DNAH8: variants seen among roughly 807,000 people sequenced by gnomAD.
DNAH8 encodes the protein dynein axonemal heavy chain 8, also known as axonemal beta dynein heavy chain 8.
A neutral mutation model predicts 562.1 loss-of-function variants in DNAH8; 382 were observed. That is an observed-to-expected ratio of 0.68 (90% CI 0.63 to 0.74). DNAH8 has a LOEUF of 0.74. DNAH8 is among the 30% of genes least tolerant of loss of function. DNAH8 has a pLI of 0.00. For synonymous variants in DNAH8, 1,881 were observed against 1,919.4 expected, an observed-to-expected ratio of 0.98 and a Z score of 0.52; for missense variants, 5,203 against 5,620.4, an observed-to-expected ratio of 0.93 and a Z score of 2.37.
chr6:38,841,534 A>G (rs1774789427), intron 33 of DNAH8, among the ~76,000 whole-genome samples: 1 of 152,240 alleles, frequency 6.6e-6, no homozygotes, highest in Non-Finnish European at 1.5e-5. Flanking sequence ...GTCAATCCTT[A>G]TAAATAAACT....
In DNAH8 at chr6:38,857,561, A is replaced by G; in HGVS notation, c.5777A>G (p.Glu1926Gly). Reference sequence around the variant, plus strand: ...CAGATGTTGTGGACACACGATTCAGAAGAGGCTTTACGTAATGCAAAAGAT... The same window carrying G: ...CAGATGTTGTGGACACACGATTCAGGAGAGGCTTTACGTAATGCAAAAGAT... ...GIQMLWTHDSEEALRNAKDDR... is the reference protein window; with the variant it reads ...GIQMLWTHDSGEALRNAKDDR... Residue 1926 changes from glutamate to glycine, a missense_variant, in exon 42 of 93, where the codon GAA (glutamate) becomes GGA (glycine). Coordinates refer to ENST00000327475, the MANE Select transcript of DNAH8 (RefSeq NM_001206927.2). 4.3e-6 allele frequency: 7 copies of G among 1,613,898 alleles called. No homozygotes were observed. Among genetic ancestry groups the G allele is most frequent in the Non-Finnish European group, 5.9e-6 (7 of 1,179,862 alleles).
At chr6:38,805,717 A>G (rs186288498) in intron 23 of DNAH8, 121 bp downstream of exon 23, 365 of 574,186 alleles carry the variant, frequency 6.4e-4, no homozygotes, top group Admixed American at 1.5e-3. Flanking sequence ...AACAAAATAC[A>G]GAAAGTATAA....
intron 66 of DNAH8, among the ~76,000 whole-genome samples, chr6:38,912,539 G>C (rs1780982037): frequency 6.6e-6 from 1 of 152,160 alleles, no homozygotes; most frequent in South Asian, 2.1e-4. Flanking sequence ...ATAGTTATGA[G>C]AGAAGACTGT....
rs1173612779 is a variant in DNAH8, at chr6:38,826,171, C to A, written c.3863C>A (p.Ala1288Asp). 1 of 1,603,788 alleles carries A rather than the reference C, an allele frequency of 6.2e-7. No individual in the cohort carries two copies. The highest frequency in any genetic ancestry group is 1.1e-5 in the South Asian group (1 of 88,304). Residue 1288 changes from alanine (A) to aspartate (D), a missense_variant, in exon 29 of 93, where the codon GCC becomes GAC. By Grantham distance (126) the Ala-to-Asp change is moderately radical (BLOSUM62 -2). Coordinates refer to ENST00000327475, the MANE Select transcript of DNAH8 (RefSeq NM_001206927.2). The stretch of plus-strand genomic sequence containing the variant: ...TCTTCATCAGAGCCGATGAAATTGG[C>A]CTTATCCATCGAGGCCAAGGCATGG... ...LELHTEPMKL[A>D]LSIEAKAWKM...
rs1323111041 is a variant in DNAH8, at chr6:38,917,256, T to C, written c.10158T>C (p.Asp3386=). The C allele has an allele frequency of 6.2e-7, 1 of 1,611,864 alleles. No homozygotes were observed. The highest frequency in any genetic ancestry group is 1.7e-5 in the Admixed American group (1 of 59,890). Reference sequence around the variant, plus strand: ...AAATATAGACTATCAAGCCAAATGATATTGCCACAGTCAGGAAACTTGCAA... The same window carrying C: ...AAATATAGACTATCAAGCCAAATGACATTGCCACAGTCAGGAAACTTGCAA... ...EAALNTIKPN[D]IATVRKLAKP... Residue 3386 remains aspartate, a synonymous_variant, in exon 69 of 93, where the codon GAT becomes GAC. Transcript: ENST00000327475.
At chr6:38,790,015 GTT>G (rs10709081) in intron 19 of DNAH8, 132 bp downstream of exon 19, 142 of 550,240 alleles carry the variant, frequency 2.6e-4, no homozygotes, top group South Asian at 5.0e-4. Flanking sequence ...TTATAGCTCT[GTT>G]TTTTTTTTTT....
At position 38,872,522 on chromosome 6, in the gene DNAH8, GGTTAATT is replaced by G; in HGVS notation, c.6991-11_6991-5del. 9.3e-6 allele frequency: 15 copies of G among 1,609,264 alleles called. No homozygotes were observed. Among genetic ancestry groups the G allele is most frequent in the Non-Finnish European group, 1.3e-5 (15 of 1,176,614 alleles). On this transcript the variant is annotated splice_region_variant and splice_polypyrimidine_tract_variant and intron_variant, in intron 49 of 92. Coordinates refer to ENST00000327475, the MANE Select transcript of DNAH8 (RefSeq NM_001206927.2). ...CATAAATTACATATTTTAATTTACT[GGTTAATT>G]GTGTAGTTATATGAGACGTCTTTGG...
chr6:38,796,140 T>C (rs1770232138), intron 21 of DNAH8, among the ~76,000 whole-genome samples: 1 of 152,196 alleles, frequency 6.6e-6, no homozygotes, highest in African/African-American at 2.4e-5. Flanking sequence ...CTCCTGTTCC[T>C]GACACTACTG....
intron 82 of DNAH8, among the ~76,000 whole-genome samples, chr6:38,968,340 C>T (rs1356640077): frequency 6.6e-6 from 1 of 152,070 alleles, no homozygotes; most frequent in Admixed American, 6.6e-5. Context: ...AGGGCACCAT[C>T]AGAGGACAAC....
At chr6:38,997,007 C>T (rs576209959) in intron 88 of DNAH8, among the ~76,000 whole-genome samples, 1 of 152,246 alleles carries the variant, frequency 6.6e-6, no homozygotes, top group African/African-American at 2.4e-5. Context: ...AACTGGCAGG[C>T]CTGTAAGACC....
At chr6:38,949,383 C>A in intron 80 of DNAH8, 69 bp from the exon 81 acceptor site, 1 of 972,610 alleles carries the variant, frequency 1.0e-6, no homozygotes. Flanking sequence ...TCAGGTGATT[C>A]AGAATCCTTT....
intron 82 of DNAH8, among the ~76,000 whole-genome samples, chr6:38,968,587 T>C (rs1418875007): frequency 6.6e-6 from 1 of 152,094 alleles, no homozygotes; most frequent in Non-Finnish European, 1.5e-5. Context: ...ATGAGATATT[T>C]CTTCATTCCC....
At chr6:38,982,516 T>G (rs1478947515) in intron 86 of DNAH8, 54 bp downstream of exon 86, 2 of 972,014 alleles carry the variant, frequency 2.1e-6, no homozygotes, top group African/African-American at 3.2e-5. Context: ...TAAATCAGGG[T>G]TCTACAGTCA....
At chr6:38,897,258 T>C (rs1038408684) in intron 60 of DNAH8, among the ~76,000 whole-genome samples, 3 of 152,244 alleles carry the variant, frequency 2.0e-5, no homozygotes, top group African/African-American at 7.2e-5. Context: ...TCAAATTTCA[T>C]TGTTCATAAA....
chr6:38,926,805 G>A (rs529559349), intron 74 of DNAH8, among the ~76,000 whole-genome samples: 4 of 152,208 alleles, frequency 2.6e-5, no homozygotes, highest in Non-Finnish European at 5.9e-5. Flanking sequence ...TAACCAAAAT[G>A]TCTTTCTCTA....
rs560070239 is a variant in DNAH8, at chr6:38,896,316, A to G, written c.8940+91A>G. ...ACCAGAGTCCTACCATGGAGTTGCT[A>G]TAATTCCAGCACTTTGGGAGGCTGA... On this transcript the variant is annotated intron_variant, in intron 60 of 92. Coordinates refer to ENST00000327475, the MANE Select transcript of DNAH8 (RefSeq NM_001206927.2). 42 of 1,082,660 alleles carry G rather than the reference A, an allele frequency of 3.9e-5. No individual in the cohort carries two copies. In the Admixed American group the frequency reaches 4.1e-4, roughly 11 times the overall value. The allele number at this position is 1,082,660 out of a possible 1,614,324, so 67.1% of individuals were successfully genotyped here. A position where few individuals can be genotyped will look rare whatever the true frequency, so the allele number is the denominator to read the frequency against.
intron 56 of DNAH8, among the ~76,000 whole-genome samples, chr6:38,885,475 A>G (rs1033402977): frequency 1.3e-5 from 2 of 152,066 alleles, no homozygotes; most frequent in Non-Finnish European, 2.9e-5. Context: ...CACATCATCA[A>G]CAAATGAAAA....
chr6:38,901,869 C>A (rs754531226), intron 62 of DNAH8, among the ~76,000 whole-genome samples: 2 of 152,212 alleles, frequency 1.3e-5, no homozygotes, highest in East Asian at 3.9e-4. Flanking sequence ...ATTTAAAAAT[C>A]GGGAGGTTTC....
Position 38,931,963 on chromosome 6 carries a change from A to G in DNAH8, c.11427A>G (p.Leu3809=). The change falls in exon 76 of 93, where the codon TTA becomes TTG. Residue 3809 remains leucine (L), a synonymous_variant. Coordinates refer to ENST00000327475, the MANE Select transcript of DNAH8 (RefSeq NM_001206927.2). The stretch of plus-strand genomic sequence containing the variant: ...CAATGAAAGGACTTGAGAATCAGTT[A>G]CTAAGGAGAGTCATTCTAACAGAGA... ...TVTMKGLENQ[L]LRRVILTEKQ... 5 of 1,606,260 alleles carry G rather than the reference A, an allele frequency of 3.1e-6. No homozygotes were observed. The highest frequency in any genetic ancestry group is 4.2e-6 in the Non-Finnish European group (5 of 1,177,076).
Sources: allele counts gnomAD v4.1 joint callset (sites outside exome capture counted in the v4.1 genomes callset), GRCh38; gene constraint gnomAD v4.1.1; transcripts MANE v1.5; gene names NCBI Gene and HGNC (gene_info 2026-07-23, HGNC 2026-07-21).